The following SLC15A2 variants were observed in gnomAD, a reference collection of about 807,000 sequenced individuals.
SLC15A2 encodes the protein kidney H(+)/peptide cotransporter.
In SLC15A2, 77 loss-of-function variants were observed where a neutral mutation model predicts 95.5. That is an observed-to-expected ratio of 0.81 (90% CI 0.67 to 0.97). SLC15A2 has a LOEUF of 0.97. Ranked by LOEUF, SLC15A2 falls within the 50% of genes least tolerant of loss-of-function variation. SLC15A2 has a pLI of 0.00. For missense variants in SLC15A2, 893 were observed against 874.4 expected, an observed-to-expected ratio of 1.02 and a Z score of -0.27; for synonymous variants, 306 against 306.9, an observed-to-expected ratio of 1.00 and a Z score of 0.03.
rs1325028489 is a variant in SLC15A2 at position 121,942,773 on chromosome 3, A to G, written c.*1766A>G. ...AAGTTTGGGAAATGTGGCATACTGT[A>G]TCCTTTTCTTAACATTTGCATATTA... On this transcript the variant is annotated 3_prime_UTR_variant, in exon 22 of 22. Coordinates refer to ENST00000489711, the MANE Select transcript of SLC15A2 (RefSeq NM_021082.4). The G allele has an allele frequency of 1.3e-5, 2 of 152,248 alleles. No homozygotes were observed. Among genetic ancestry groups the G allele is most frequent in the Non-Finnish European group, 2.9e-5 (2 of 68,042 alleles). 9.4% of individuals were successfully genotyped at this position (152,248 alleles called of 1,614,324 possible). A position where few individuals can be genotyped will look rare whatever the true frequency, so the allele number is the denominator to read the frequency against.
intron 1 of SLC15A2, among the ~76,000 whole-genome samples, chr3:121,895,145 T>C (rs1405023250): frequency 6.6e-6 from 1 of 152,186 alleles, no homozygotes; most frequent in Admixed American, 6.5e-5. Flanking sequence ...ATTCTGTAAG[T>C]GGGGAGGATA....
chr3:121,941,729 A>G lies in SLC15A2; in HGVS notation c.*722A>G, dbSNP rs1173927785. ...GCATTAGTAAACATTGTTCTGGAGA[A>G]CAGGAACAGGTGTAAGTTGTAGAAA... On this transcript the variant is annotated 3_prime_UTR_variant, in exon 22 of 22. Transcript: ENST00000489711. The G allele has an allele frequency of 6.6e-5, 10 of 152,250 alleles. No homozygotes were observed. The highest frequency in any genetic ancestry group is 1.5e-5 in the Non-Finnish European group (1 of 68,040). The allele number at this position is 152,250 out of a possible 1,614,324, so 9.4% of individuals were successfully genotyped here.
chr3:121,910,458 G>C (rs944032031), intron 3 of SLC15A2, among the ~76,000 whole-genome samples: 7 of 152,220 alleles, frequency 4.6e-5, no homozygotes, highest in Admixed American at 1.3e-4. Context: ...GCCCCCCAAA[G>C]TGCTGGGATT....
chr3:121,922,859 C>T lies in SLC15A2; in HGVS notation c.865C>T (p.Pro289Ser), dbSNP rs752893408. ...HWLDWAAEKY[P>S]KQLIMDVKAL... Reference sequence around the variant, plus strand: ...GCTAGACTGGGCGGCTGAGAAATATCCAGTAAGTTGGAAATGCAGAAACAT... The same window carrying T: ...GCTAGACTGGGCGGCTGAGAAATATTCAGTAAGTTGGAAATGCAGAAACAT... Residue 289 changes from proline to serine, a missense_variant and splice_region_variant, in exon 9 of 22, where the codon CCA becomes TCA. By Grantham distance (74) the Pro-to-Ser change is moderately conservative. Coordinates refer to ENST00000489711, the MANE Select transcript of SLC15A2 (RefSeq NM_021082.4). The T allele has an allele frequency of 8.1e-6, 13 of 1,612,682 alleles. No individual in the cohort carries two copies. Among genetic ancestry groups the T allele is most frequent in the Non-Finnish European group, 1.0e-5 (12 of 1,178,792 alleles).
intron 5 of SLC15A2, among the ~76,000 whole-genome samples, chr3:121,913,593 T>C (rs1709818759): frequency 6.6e-6 from 1 of 152,172 alleles, no homozygotes; most frequent in South Asian, 2.1e-4. Context: ...ATAAGTAGTA[T>C]AGAGATGATT....
chr3:121,897,483 C>A lies in SLC15A2; in HGVS notation c.289C>A (p.Pro97Thr). 6.2e-7 allele frequency: 1 copy of A among 1,614,060 alleles called. No individual in the cohort carries two copies. The highest frequency in any genetic ancestry group is 8.5e-7 in the Non-Finnish European group (1 of 1,180,000). ...CTTCAGCAGCCTCTGTTATTTTACT[C>A]CCATCCTGGGAGCAGCCATTGCTGA... The part of the protein sequence containing the change: ...HAFSSLCYFT[P>T]ILGAAIADSW... The change falls in exon 3 of 22, where the codon CCC (proline) becomes ACC (threonine). Residue 97 changes from proline to threonine, a missense_variant. Transcript: ENST00000489711.
chr3:121,935,629 A>G (rs1710327441), intron 19 of SLC15A2, among the ~76,000 whole-genome samples: 1 of 151,614 alleles, frequency 6.6e-6, no homozygotes, highest in South Asian at 2.1e-4. Flanking sequence ...ATCATTTTTT[A>G]TTGCGTCTAT....
Position 121,894,525 on chromosome 3 carries a change from G to C in SLC15A2, c.49G>C (p.Val17Leu). The part of the protein sequence containing the change: ...NESKETLFSP[V>L]SIEEVPPRPP... ...GTCCAAGGAAACTCTTTTTTCACCT[G>C]TCTCCATTGAAGAGGTACCACCTCG... Residue 17 changes from valine (V) to leucine (L), a missense_variant, in exon 1 of 22, where the codon GTC becomes CTC. Coordinates refer to ENST00000489711, the MANE Select transcript of SLC15A2 (RefSeq NM_021082.4). The C allele has an allele frequency of 6.2e-7, 1 of 1,613,470 alleles. No individual in the cohort carries two copies. The highest frequency in any genetic ancestry group is 8.5e-7 in the Non-Finnish European group (1 of 1,179,708).
chr3:121,940,943 A>G lies in SLC15A2; in HGVS notation c.2126A>G (p.Asp709Gly). 6.2e-7 allele frequency: 1 copy of G among 1,614,218 alleles called. No individual in the cohort carries two copies. Among genetic ancestry groups the G allele is most frequent in the Non-Finnish European group, 8.5e-7 (1 of 1,180,022 alleles). Residue 709 changes from aspartate (D) to glycine (G), a missense_variant, in exon 22 of 22, where the codon GAT becomes GGT. Asp to Gly is a moderately conservative substitution (Grantham distance 94). Coordinates refer to ENST00000489711, the MANE Select transcript of SLC15A2 (RefSeq NM_021082.4). ...VKTEDMRGPA[D>G]KHIPHIQGNM... ...ACAGAGGATATGCGGGGTCCAGCAG[A>G]TAAGCACATTCCTCACATCCAGGGG...
At chr3:121,925,133 G>A (rs1710089557) in intron 13 of SLC15A2, 100 bp downstream of exon 13, 1 of 844,616 alleles carries the variant, frequency 1.2e-6, no homozygotes, top group Non-Finnish European at 2.0e-6. Flanking sequence ...GTGAGGATTG[G>A]TTTTAGTTTA....
chr3:121,915,141 G>A lies in SLC15A2; in HGVS notation c.529-86G>A, dbSNP rs1438916107. 4.2e-6 allele frequency: 5 copies of A among 1,177,312 alleles called. No homozygotes were observed. The African/African-American group carries it at 4.6e-5, about 11-fold the overall frequency. 72.9% of individuals were successfully genotyped at this position (1,177,312 alleles called of 1,614,324 possible). ...GCAATATCTGAATCTTTCTCTTTGT[G>A]TGTACCTTCAGCTCTGAATCTGAAC... On this transcript the variant is annotated intron_variant, in intron 5 of 21. Coordinates refer to ENST00000489711, the MANE Select transcript of SLC15A2 (RefSeq NM_021082.4).
chr3:121,934,205 C>T (rs894471757), intron 19 of SLC15A2, among the ~76,000 whole-genome samples: 29 of 152,188 alleles, frequency 1.9e-4, no homozygotes, highest in Admixed American at 5.9e-4. Flanking sequence ...GTGATGCCTC[C>T]AGCTTTGTTC....
chr3:121,940,503 G>A lies in SLC15A2; in HGVS notation c.2013+15G>A. Reference sequence around the variant, plus strand: ...GCCTGGTACAGGTATGGATCTGAGGGAAGCAGGATTCATTTCTACTCAAGT... The same window carrying A: ...GCCTGGTACAGGTATGGATCTGAGGAAAGCAGGATTCATTTCTACTCAAGT... On this transcript the variant is annotated intron_variant, in intron 21 of 21. Transcript: ENST00000489711. The A allele has an allele frequency of 6.3e-7, 1 of 1,589,006 alleles. No homozygotes were observed. Among genetic ancestry groups the A allele is most frequent in the African/African-American group, 1.3e-5 (1 of 74,580 alleles).
rs1029848234 is a variant in SLC15A2 at position 121,940,958 on chromosome 3, A to G, written c.2141A>G (p.His714Arg). The G allele has an allele frequency of 1.9e-6, 3 of 1,614,046 alleles. No homozygotes were observed. In the African/African-American group the frequency reaches 4.0e-5, roughly 22 times the overall value. Residue 714 changes from histidine to arginine, a missense_variant, in exon 22 of 22, where the codon CAC becomes CGC. Transcript: ENST00000489711. ...GGTCCAGCAGATAAGCACATTCCTC[A>G]CATCCAGGGGAACATGATCAAACTA... ...MRGPADKHIP[H>R]IQGNMIKLET...
At chr3:121,904,193 T>C (rs916496999) in intron 3 of SLC15A2, among the ~76,000 whole-genome samples, 2 of 152,216 alleles carry the variant, frequency 1.3e-5, no homozygotes, top group Non-Finnish European at 1.5e-5. Flanking sequence ...TTTTTGTACA[T>C]TGATTTTGTA....
At chr3:121,921,033 C>A (rs554173102) in intron 7 of SLC15A2, among the ~76,000 whole-genome samples, 2 of 152,242 alleles carry the variant, frequency 1.3e-5, no homozygotes, top group South Asian at 4.1e-4. Flanking sequence ...GTAATACCAG[C>A]TCATTGTTAA....
In SLC15A2 at chr3:121,923,030, CT is replaced by C; in HGVS notation, c.868-6del. 1.2e-6 allele frequency: 2 copies of C among 1,613,110 alleles called. No individual in the cohort carries two copies. The highest frequency in any genetic ancestry group is 1.1e-5 in the South Asian group (1 of 90,984). On this transcript the variant is annotated splice_polypyrimidine_tract_variant and intron_variant, in intron 9 of 21. Coordinates refer to ENST00000489711, the MANE Select transcript of SLC15A2 (RefSeq NM_021082.4). Reference sequence around the variant, plus strand: ...CTAGCATTTCTGCCCATTCTTCCTCCTTTTCGCAGAAGCAGCTCATTATGGA... The same window carrying C: ...CTAGCATTTCTGCCCATTCTTCCTCCTTTCGCAGAAGCAGCTCATTATGGA...
At chr3:121,919,746 G>A (rs1709969601) in intron 7 of SLC15A2, among the ~76,000 whole-genome samples, 2 of 152,158 alleles carry the variant, frequency 1.3e-5, no homozygotes, top group Non-Finnish European at 2.9e-5. Flanking sequence ...CAGTAAGAAA[G>A]TGAAATAGTA....
intron 13 of SLC15A2, among the ~76,000 whole-genome samples, chr3:121,926,335 G>C (rs1710121668): frequency 6.6e-6 from 1 of 152,110 alleles, no homozygotes. Context: ...TATCCCGTTG[G>C]TGCTGTCCTT....
Sources: gnomAD v4.1 joint callset for allele counts (sites outside exome capture counted in the v4.1 genomes callset) on GRCh38, gnomAD v4.1.1 for gene constraint, MANE v1.5 for transcripts, NCBI Gene and HGNC (gene_info 2026-07-23, HGNC 2026-07-21) for gene names.